Variants in TMPRSS11A observed in about 807,000 individuals in gnomAD.
TMPRSS11A encodes the protein transmembrane serine protease 11A.
TMPRSS11A carries 53 observed loss-of-function variants against 58.9 expected under a neutral mutation model. The observed-to-expected ratio is 0.90, with a 90% CI of 0.72 to 1.13. The LOEUF is 1.13. Ranked by LOEUF, TMPRSS11A falls within the 50% of genes most tolerant of loss-of-function variation. The pLI, the probability that TMPRSS11A is intolerant of heterozygous loss-of-function variation, is 0.00. For synonymous variants in TMPRSS11A, 167 were observed against 169.8 expected (o/e 0.98, Z 0.13); for missense variants, 493 against 499.3 (o/e 0.99, Z 0.12).
Position 67,929,873 on chromosome 4 carries a change from T to G in TMPRSS11A, c.481+7A>C. On this transcript the variant is annotated splice_region_variant and intron_variant, in intron 5 of 9. Coordinates refer to ENST00000508048, the MANE Select transcript of TMPRSS11A (RefSeq NM_001114387.2). ...ACTTCATATCACATAGAAGGGGACCTCCTTACCATTAACTTGAACTGATGA... is the reference window on the plus strand; with the variant it reads ...ACTTCATATCACATAGAAGGGGACCGCCTTACCATTAACTTGAACTGATGA... 6.2e-7 allele frequency: 1 copy of G among 1,603,908 alleles called. No homozygotes were observed. Among genetic ancestry groups the G allele is most frequent in the Non-Finnish European group, 8.5e-7 (1 of 1,173,450 alleles).
chr4:67,963,423 T>A lies in TMPRSS11A; in HGVS notation c.-30A>T. On this transcript the variant is annotated 5_prime_UTR_variant, in exon 1 of 10. Transcript: ENST00000508048. ...AGGAGGAAGAATATGATCTTGCAGG[T>A]CTGCACCCACTGAACTCAACTTTCT... 1 of 1,612,874 alleles carries A rather than the reference T, an allele frequency of 6.2e-7. No homozygotes were observed.
rs144009146 is a variant in TMPRSS11A at position 67,924,148 on chromosome 4, C to G, written c.500G>C (p.Gly167Ala). 6.2e-7 allele frequency: 1 copy of G among 1,613,206 alleles called. No homozygotes were observed. Among genetic ancestry groups the G allele is most frequent in the African/African-American group, 1.3e-5 (1 of 74,840 alleles). The change falls in exon 6 of 10, where the codon GGG becomes GCG. Residue 167 changes from glycine (G) to alanine (A), a missense_variant. Coordinates refer to ENST00000508048, the MANE Select transcript of TMPRSS11A (RefSeq NM_001114387.2). The part of the protein sequence containing the change: ...VQVNAMSSST[G>A]ELTVQASCGK... ...CTTACTTGCTTGGACAGTTAACTCC[C>G]CTGTTGATGAGCTCATTGCTGAAAA...
intron 4 of TMPRSS11A, 27 bp downstream of exon 4, chr4:67,931,966 A>T: frequency 6.9e-7 from 1 of 1,441,644 alleles, no homozygotes; most frequent in Non-Finnish European, 9.8e-7. Flanking sequence ...CAGTCTTGTG[A>T]TTCCACCTTT....
At chr4:67,936,055 A>G (rs1124642) in intron 3 of TMPRSS11A, among the ~76,000 whole-genome samples, 81,384 of 151,890 alleles carry the variant, frequency 0.54, 22,820 homozygotes, top group African/African-American at 0.63. Flanking sequence ...GACTTGCCCA[A>G]GTTGACACCA....
rs1228501338 is a variant in TMPRSS11A at position 67,910,501 on chromosome 4, G to A, written c.*841C>T. 1 of 151,934 alleles carries A rather than the reference G, an allele frequency of 6.6e-6. No homozygotes were observed. The highest frequency in any genetic ancestry group is 1.5e-5 in the Non-Finnish European group (1 of 67,912). The allele number at this position is 151,934 out of a possible 1,614,324, so 9.4% of individuals were successfully genotyped here. ...TAATAATGCACAAAATTTCCCCCTT[G>A]TGGTCAAAATATGTAAGTGCATCTG... On this transcript the variant is annotated 3_prime_UTR_variant, in exon 10 of 10. Coordinates refer to ENST00000508048, the MANE Select transcript of TMPRSS11A (RefSeq NM_001114387.2).
intron 1 of TMPRSS11A, among the ~76,000 whole-genome samples, chr4:67,952,612 T>C (rs1395856356): frequency 6.6e-6 from 1 of 152,172 alleles, no homozygotes; most frequent in Non-Finnish European, 1.5e-5. Context: ...GCCAAAGTAA[T>C]GTCATTGAAA....
chr4:67,936,831 AAG>A (rs1202864972), intron 3 of TMPRSS11A, among the ~76,000 whole-genome samples: 2 of 152,234 alleles, frequency 1.3e-5, no homozygotes, highest in East Asian at 1.9e-4. Context: ...TTAAAGAAAA[AAG>A]TATTAATTCT....
chr4:67,920,117 C>G (rs545899685), intron 7 of TMPRSS11A, among the ~76,000 whole-genome samples: 1 of 152,060 alleles, frequency 6.6e-6, no homozygotes, highest in South Asian at 2.1e-4. Context: ...GTGGTAAATG[C>G]GGTTGACTTC....
At chr4:67,913,872 G>A (rs781109282) in intron 9 of TMPRSS11A, among the ~76,000 whole-genome samples, 1 of 152,166 alleles carries the variant, frequency 6.6e-6, no homozygotes, top group Non-Finnish European at 1.5e-5. Flanking sequence ...CCTCCTTAGA[G>A]TTCTAAAGTA....
At chr4:67,935,833 AT>A (rs202021738) in intron 3 of TMPRSS11A, among the ~76,000 whole-genome samples, 42 of 151,326 alleles carry the variant, frequency 2.8e-4, no homozygotes, top group African/African-American at 9.0e-4. Context: ...ATCGGAAGAG[AT>A]TTTTTTTTCC....
chr4:67,948,014 CAG>C (rs1379297846), intron 1 of TMPRSS11A, among the ~76,000 whole-genome samples: 1 of 152,092 alleles, frequency 6.6e-6, no homozygotes, highest in East Asian at 1.9e-4. Flanking sequence ...TCCAATTTAT[CAG>C]AGTTTATCTC....
At chr4:67,929,484 A>G (rs1342484002) in intron 5 of TMPRSS11A, among the ~76,000 whole-genome samples, 2 of 152,250 alleles carry the variant, frequency 1.3e-5, no homozygotes, top group Non-Finnish European at 2.9e-5. Flanking sequence ...ATCACCATAT[A>G]TAGAAACTAT....
At chr4:67,945,132 C>T (rs1720971423) in intron 2 of TMPRSS11A, among the ~76,000 whole-genome samples, 1 of 151,958 alleles carries the variant, frequency 6.6e-6, no homozygotes, top group South Asian at 2.1e-4. Context: ...GCCAGGCACA[C>T]TAAGAAAAAC....
At chr4:67,927,240 AAG>A (rs1720498189) in intron 5 of TMPRSS11A, among the ~76,000 whole-genome samples, 1 of 152,166 alleles carries the variant, frequency 6.6e-6, no homozygotes, top group Non-Finnish European at 1.5e-5. Context: ...TGTGGGTAAA[AAG>A]AGAGAAAAGC....
intron 5 of TMPRSS11A, among the ~76,000 whole-genome samples, chr4:67,927,034 A>G (rs954427582): frequency 6.6e-6 from 1 of 152,086 alleles, no homozygotes; most frequent in Non-Finnish European, 1.5e-5. Context: ...CTGGCTATGA[A>G]GAGGAGCTGC....
chr4:67,928,128 T>G (rs4515215), intron 5 of TMPRSS11A, among the ~76,000 whole-genome samples: 2 of 152,324 alleles, frequency 1.3e-5, no homozygotes, highest in Non-Finnish European at 2.9e-5. Flanking sequence ...CACTGCAACC[T>G]CCGCCTCCCG....
intron 3 of TMPRSS11A, among the ~76,000 whole-genome samples, chr4:67,934,492 A>G (rs1720703588): frequency 1.3e-5 from 2 of 152,250 alleles, no homozygotes; most frequent in South Asian, 4.2e-4. Flanking sequence ...TTATAAATCT[A>G]TTGTTATCTA....
intron 1 of TMPRSS11A, among the ~76,000 whole-genome samples, chr4:67,961,483 C>CTTTTTTTTTTTTTTTT (rs1553924063): frequency 2.8e-4 from 2 of 7,162 alleles, no homozygotes; most frequent in South Asian, 6.9e-3. Context: ...TTTTCTTTTC[C>CTTTTTTTTTTTTTTTT]TTTTTTTTTT....
intron 8 of TMPRSS11A, among the ~76,000 whole-genome samples, chr4:67,914,968 T>A (rs919200302): frequency 6.6e-6 from 1 of 152,204 alleles, no homozygotes; most frequent in Non-Finnish European, 1.5e-5. Context: ...GGATTCTTTT[T>A]CCTGGAAAAT....
Sources: gnomAD v4.1 joint callset for allele counts (sites outside exome capture counted in the v4.1 genomes callset) on GRCh38, gnomAD v4.1.1 for gene constraint, MANE v1.5 for transcripts, NCBI Gene and HGNC (gene_info 2026-07-23, HGNC 2026-07-21) for gene names.